GABRB2: variants seen among roughly 807,000 people sequenced by gnomAD.
The protein encoded by GABRB2 is gamma-aminobutyric acid type A receptor subunit beta2.
In GABRB2, 16 loss-of-function variants were observed where a neutral mutation model predicts 54.7. That is an observed-to-expected ratio of 0.29 (90% confidence interval 0.20 to 0.44). GABRB2 has a LOEUF of 0.44. GABRB2 is among the 20% of genes least tolerant of loss of function. The pLI, the probability that GABRB2 is intolerant of heterozygous loss-of-function variation, is 1.00. For synonymous variants in GABRB2, 244 were observed against 233.8 expected, an observed-to-expected ratio of 1.04 and a Z score of -0.40; for missense variants, 355 against 644.0, an observed-to-expected ratio of 0.55 and a Z score of 4.86.
At chr5:161,363,317 G>A (rs547961860) in intron 5 of GABRB2, among the ~76,000 whole-genome samples, 34 of 152,016 alleles carry the variant, frequency 2.2e-4, no homozygotes, top group Non-Finnish European at 4.9e-4. Flanking sequence ...TCATAAATGG[G>A]AGTTGAACAA....
chr5:161,333,252 G>C (rs1269926743), intron 7 of GABRB2, among the ~76,000 whole-genome samples: 1 of 152,122 alleles, frequency 6.6e-6, no homozygotes, highest in Non-Finnish European at 1.5e-5. Flanking sequence ...AATGTTTACT[G>C]AGCACCATTC....
intron 3 of GABRB2, among the ~76,000 whole-genome samples, chr5:161,513,594 A>G (rs1415828537): frequency 6.6e-6 from 1 of 152,010 alleles, no homozygotes. Flanking sequence ...ACTCATGGAC[A>G]TACAGATGGC....
At chr5:161,316,057 G>A (rs1163749251) in intron 9 of GABRB2, among the ~76,000 whole-genome samples, 4 of 152,176 alleles carry the variant, frequency 2.6e-5, no homozygotes, top group Non-Finnish European at 5.9e-5. Flanking sequence ...AGAAATAAAT[G>A]AAAGTAGGTT....
At chr5:161,486,695 C>T (rs1438810122) in intron 3 of GABRB2, among the ~76,000 whole-genome samples, 1 of 151,852 alleles carries the variant, frequency 6.6e-6, no homozygotes, top group Non-Finnish European at 1.5e-5. Context: ...CTGAAAAAGA[C>T]AGATATGCTT....
intron 5 of GABRB2, among the ~76,000 whole-genome samples, chr5:161,342,419 T>C (rs1335186717): frequency 2.0e-5 from 3 of 152,074 alleles, no homozygotes; most frequent in Admixed American, 1.3e-4. Context: ...GAAACACTAA[T>C]CTGTAATGTG....
chr5:161,534,565 T>C (rs921212279), intron 3 of GABRB2, among the ~76,000 whole-genome samples: 3 of 152,154 alleles, frequency 2.0e-5, no homozygotes, highest in African/African-American at 4.8e-5. Context: ...GCAGGGTAAA[T>C]GCACAGTCAG....
At chr5:161,403,239 G>A (rs571230903) in intron 5 of GABRB2, among the ~76,000 whole-genome samples, 1 of 152,016 alleles carries the variant, frequency 6.6e-6, no homozygotes, top group Non-Finnish European at 1.5e-5. Context: ...TAAATAGAGG[G>A]GAAAAAATGA....
At chr5:161,412,437 T>A (rs1756543224) in intron 4 of GABRB2, among the ~76,000 whole-genome samples, 1 of 152,142 alleles carries the variant, frequency 6.6e-6, no homozygotes. Context: ...TGAGTCTACA[T>A]CCCCGATGCC....
At chr5:161,499,380 T>A (rs1234130830) in intron 3 of GABRB2, among the ~76,000 whole-genome samples, 1 of 152,154 alleles carries the variant, frequency 6.6e-6, no homozygotes, top group Non-Finnish European at 1.5e-5. Context: ...ATTCTCCTTA[T>A]TGGGGTCCAT....
Position 161,507,091 on chromosome 5 carries a change from G to C in GABRB2, c.237+38136C>G, listed in dbSNP as rs575104390. 1.3e-4 allele frequency among the ~76,000 whole-genome samples: 20 copies of C among 152,038 alleles called. No individual in the cohort carries two copies. The East Asian group carries it at 3.9e-3, about 29-fold the overall frequency. On this transcript the variant is annotated intron_variant, in intron 3 of 9. Transcript: ENST00000393959. ...TGTTCATCAAAATGCCCAAATTAAA[G>C]GACATTCTGAAAATACCTAAGTGGA...
intron 5 of GABRB2, among the ~76,000 whole-genome samples, chr5:161,347,816 G>A (rs1754362625): frequency 6.6e-6 from 1 of 152,060 alleles, no homozygotes; most frequent in African/African-American, 2.4e-5. Flanking sequence ...AAATCTAATG[G>A]AGAATGCTGG....
chr5:161,471,081 T>C (rs954599952), intron 3 of GABRB2, among the ~76,000 whole-genome samples: 19 of 152,000 alleles, frequency 1.3e-4, no homozygotes, highest in African/African-American at 4.3e-4. Flanking sequence ...TTCTCTTTCT[T>C]ACCTGTTTCA....
chr5:161,346,712 A>G (rs940177975), intron 5 of GABRB2, among the ~76,000 whole-genome samples: 8 of 152,134 alleles, frequency 5.3e-5, no homozygotes, highest in Non-Finnish European at 8.8e-5. Flanking sequence ...GTGTATCTTG[A>G]CTAATAAGAC....
At chr5:161,493,876 T>C (rs1759149060) in intron 3 of GABRB2, among the ~76,000 whole-genome samples, 1 of 151,768 alleles carries the variant, frequency 6.6e-6, no homozygotes, top group Non-Finnish European at 1.5e-5. Context: ...TAGTGAATTA[T>C]CCTAATGCAT....
chr5:161,510,466 T>C (rs923184372), intron 3 of GABRB2, among the ~76,000 whole-genome samples: 4 of 151,936 alleles, frequency 2.6e-5, no homozygotes, highest in Admixed American at 6.6e-5. Context: ...TAGTACTACA[T>C]TGTGTACATG....
chr5:161,517,623 C>A lies in GABRB2; in HGVS notation c.237+27604G>T, dbSNP rs578168489. ...CCCAGGGTAAATTAGCTGGGCACTG[C>A]CGCTATTGCAGTGGTCCACCGCCTG... On this transcript the variant is annotated intron_variant, in intron 3 of 9. Coordinates refer to ENST00000393959, the MANE Select transcript of GABRB2 (RefSeq NM_001371727.1). 6.4e-4 allele frequency among the ~76,000 whole-genome samples: 97 copies of A among 152,222 alleles called. 1 individual carries two copies. The South Asian group carries it at 0.019, about 30-fold the overall frequency.
intron 5 of GABRB2, among the ~76,000 whole-genome samples, chr5:161,358,784 T>C (rs1754716395): frequency 6.6e-6 from 1 of 152,132 alleles, no homozygotes; most frequent in Non-Finnish European, 1.5e-5. Context: ...GAAAGAGGTG[T>C]TGAGAAAGTA....
intron 3 of GABRB2, among the ~76,000 whole-genome samples, chr5:161,516,001 G>A (rs1038522632): frequency 6.6e-6 from 1 of 152,154 alleles, no homozygotes; most frequent in Non-Finnish European, 1.5e-5. Context: ...TTTGTCAAGA[G>A]GCAGTTGCTA....
At chr5:161,504,489 A>C (rs1305262156) in intron 3 of GABRB2, among the ~76,000 whole-genome samples, 2 of 152,146 alleles carry the variant, frequency 1.3e-5, no homozygotes, top group Non-Finnish European at 2.9e-5. Context: ...AGAGATACTA[A>C]AATATTTTGA....
Sources: gnomAD v4.1 joint callset for allele counts (sites outside exome capture counted in the v4.1 genomes callset) on GRCh38, gnomAD v4.1.1 for gene constraint, MANE v1.5 for transcripts, NCBI Gene and HGNC (gene_info 2026-07-23, HGNC 2026-07-21) for gene names.